Variants in CHD9 observed in about 807,000 individuals in gnomAD.
CHD9 encodes the protein ATP-dependent chromatin remodeler CHD9.
CHD9 carries 77 observed loss-of-function variants against 316.1 expected under a neutral mutation model. The ratio of observed to expected loss-of-function variants is 0.24; its 90% confidence interval spans 0.20 to 0.29. CHD9 has a LOEUF of 0.29. Among genes scored for constraint, CHD9 ranks in the 10% least tolerant of loss-of-function variants. The pLI, the probability that CHD9 is intolerant of heterozygous loss-of-function variation, is 1.00. For synonymous variants in CHD9, 1,129 were observed against 1,158.3 expected (o/e 0.97, Z 0.51); for missense variants, 2,763 against 3,438.1 (o/e 0.80, Z 4.91).
intron 24 of CHD9, among the ~76,000 whole-genome samples, chr16:53,283,106 T>G (rs1336359162): frequency 1.3e-5 from 2 of 152,172 alleles, no homozygotes; most frequent in East Asian, 3.9e-4. Context: ...CTTTCCTCCT[T>G]TTTTCCATTC....
At chr16:53,103,497 A>G (rs2152572257) in intron 1 of CHD9, among the ~76,000 whole-genome samples, 1 of 152,322 alleles carries the variant, frequency 6.6e-6, no homozygotes, top group Admixed American at 6.5e-5. Context: ...TGAGTTCTCT[A>G]TGTGCCCAGC....
chr16:53,088,615 C>T (rs766163697), intron 1 of CHD9, among the ~76,000 whole-genome samples: 1 of 151,874 alleles, frequency 6.6e-6, no homozygotes, highest in African/African-American at 2.4e-5. Flanking sequence ...GTCACTGCAT[C>T]TATAGGGACT....
intron 1 of CHD9, among the ~76,000 whole-genome samples, chr16:53,097,370 TC>T (rs2036468694): frequency 6.7e-6 from 1 of 148,962 alleles, no homozygotes; most frequent in African/African-American, 2.5e-5. Context: ...CTTCCTTCCT[TC>T]CTTCCTTCCT....
chr16:53,151,485 A>G (rs1447435051), intron 1 of CHD9, among the ~76,000 whole-genome samples: 2 of 151,800 alleles, frequency 1.3e-5, no homozygotes, highest in African/African-American at 4.8e-5. Context: ...CGAACTCCTG[A>G]CCTCAGGTGA....
In CHD9 at chr16:53,245,447, C is replaced by T; in HGVS notation, c.3166C>T (p.Gln1056Ter). Residue 1056 changes from glutamine (Q) to a stop codon, truncating the protein, a stop_gained, in exon 14 of 39, where the codon CAA (glutamine) becomes TAA (stop). Coordinates refer to ENST00000447540, the MANE Select transcript of CHD9 (RefSeq NM_001308319.2). LOFTEE classifies it high-confidence loss of function. The surrounding 1 kb of genome is among the most constrained non-coding windows in gnomAD (Gnocchi z 4.1). ...GTTTCCTTCTGAATCAACATTTATG[C>T]AAGAATTTGGGGATCTGAAAACAGA... is the stretch of plus-strand genomic sequence containing the variant. ...LRFPSESTFMQEFGDLKTEEQ... is the reference protein window; with the variant it reads ...LRFPSESTFM The T allele has an allele frequency of 1.2e-6, 2 of 1,602,588 alleles. No individual in the cohort carries two copies. The highest frequency in any genetic ancestry group is 1.8e-5 in the Admixed American group (1 of 57,016).
chr16:53,074,799 G>T (rs2034385221), intron 1 of CHD9, among the ~76,000 whole-genome samples: 1 of 152,240 alleles, frequency 6.6e-6, no homozygotes, highest in South Asian at 2.1e-4. Flanking sequence ...TTGCTGCAGG[G>T]TGGGGCTCTC....
chr16:53,258,318 G>T (rs2050783070), intron 19 of CHD9, among the ~76,000 whole-genome samples: 1 of 152,100 alleles, frequency 6.6e-6, no homozygotes, highest in Non-Finnish European at 1.5e-5. Flanking sequence ...TGAGAATTGA[G>T]AAATGCTTAA....
intron 30 of CHD9, chr16:53,298,573 G>C (rs1211759303): frequency 1.3e-5 from 2 of 152,440 alleles, no homozygotes; most frequent in Non-Finnish European, 2.9e-5. Context: ...CCCAGGAACA[G>C]GAGCCAGGAG....
intron 35 of CHD9, 119 bp downstream of exon 35, chr16:53,314,635 C>A: frequency 1.0e-6 from 1 of 991,860 alleles, no homozygotes; most frequent in South Asian, 1.9e-5. Flanking sequence ...AGAAGTATGC[C>A]ATATAATTTT....
At chr16:53,213,384 A>G (rs942678053) in intron 3 of CHD9, among the ~76,000 whole-genome samples, 1 of 152,210 alleles carries the variant, frequency 6.6e-6, no homozygotes, top group African/African-American at 2.4e-5. Flanking sequence ...TGCCTTTCAT[A>G]CAAAATAGTG....
chr16:53,135,924 A>G (rs2039680794), intron 1 of CHD9, among the ~76,000 whole-genome samples: 2 of 152,200 alleles, frequency 1.3e-5, no homozygotes, highest in Non-Finnish European at 2.9e-5. Flanking sequence ...TCAATATAAT[A>G]TTGAATGGAT....
rs2049478294 is a variant in CHD9 at position 53,245,214 on chromosome 16, C to CAT, written c.3055-113_3055-112dup. On this transcript the variant is annotated intron_variant, in intron 13 of 38. Transcript: ENST00000447540. This position sits in a 1 kb window ranked among gnomAD's most constrained non-coding sequence, Gnocchi z 4.1. ...TATATATACACACACACACACATAA[C>CAT]ATATATATATGTATATATAGTCAGA... 3 of 621,096 alleles carry CAT rather than the reference C, an allele frequency of 4.8e-6. No individual in the cohort carries two copies. The highest frequency in any genetic ancestry group is 3.2e-5 in the East Asian group (1 of 31,656). The allele number at this position is 621,096 out of a possible 1,614,324, so 38.5% of individuals were successfully genotyped here.
chr16:53,097,377 TTCCTTCCTTCC>T lies in CHD9; in HGVS notation c.-165+42302_-165+42312del, dbSNP rs1225591276. ...CTCCCTTCCTTCCTTCCTTCCTTCC[TTCCTTCCTTCC>T]TTCCTTCCTTCCTTCCTTCTTTCTC... On this transcript the variant is annotated intron_variant, in intron 1 of 38. Coordinates refer to ENST00000447540, the MANE Select transcript of CHD9 (RefSeq NM_001308319.2). 4.4e-3 allele frequency among the ~76,000 whole-genome samples: 663 copies of T among 151,110 alleles called. 5 individuals are homozygous for T. The highest frequency in any genetic ancestry group is 7.2e-3 in the Non-Finnish European group (486 of 67,770).
At chr16:53,103,630 GC>G (rs2037078066) in intron 1 of CHD9, among the ~76,000 whole-genome samples, 1 of 152,172 alleles carries the variant, frequency 6.6e-6, no homozygotes, top group African/African-American at 2.4e-5. Flanking sequence ...AAGTCCTCTA[GC>G]AGATGAGGGG....
rs191693660 is a variant in CHD9 at position 53,252,607 on chromosome 16, C to T, written c.3862-1831C>T. On this transcript the variant is annotated intron_variant, in intron 17 of 38. Transcript: ENST00000447540. ...TGGCAAAAACAGACAGCAGAGTAAA[C>T]AGACAACCCACAGAGTGGGAGAAAA... Among the ~76,000 whole-genome samples, 806 of 151,328 alleles carry T rather than the reference C, an allele frequency of 5.3e-3. 5 individuals are homozygous for T. Among genetic ancestry groups the T allele is most frequent in the Non-Finnish European group, 7.6e-3 (519 of 67,880 alleles).
chr16:53,107,845 C>G (rs141785308), intron 1 of CHD9, among the ~76,000 whole-genome samples: 1 of 152,036 alleles, frequency 6.6e-6, no homozygotes, highest in Non-Finnish European at 1.5e-5. Flanking sequence ...ATTCTTATCC[C>G]CTGAAGCTTA....
chr16:53,302,404 A>T (rs1226296871), intron 30 of CHD9, among the ~76,000 whole-genome samples: 2 of 152,216 alleles, frequency 1.3e-5, no homozygotes, highest in African/African-American at 4.8e-5. Context: ...CAAGAGTGCC[A>T]CAGAAATGAT....
chr16:53,089,307 A>G (rs1012396417), intron 1 of CHD9, among the ~76,000 whole-genome samples: 4 of 152,174 alleles, frequency 2.6e-5, no homozygotes, highest in African/African-American at 9.6e-5. Flanking sequence ...ACAAAACAAA[A>G]GAAAATGAAG....
intron 2 of CHD9, among the ~76,000 whole-genome samples, chr16:53,193,931 A>G (rs1056680439): frequency 1.3e-5 from 2 of 152,222 alleles, no homozygotes; most frequent in Admixed American, 6.5e-5. Flanking sequence ...TATTACTGTT[A>G]TAAAACAAAT....
Sources: allele counts gnomAD v4.1 joint callset (sites outside exome capture counted in the v4.1 genomes callset), GRCh38; gene constraint gnomAD v4.1.1; non-coding constraint Gnocchi (gnomAD v3.1); transcripts MANE v1.5; gene names NCBI Gene and HGNC (gene_info 2026-07-23, HGNC 2026-07-21).